The following PREPL variants were observed in gnomAD, a reference collection of about 807,000 sequenced individuals.
PREPL encodes prolyl endopeptidase like.
Under a neutral mutation model 70.6 loss-of-function variants are expected in PREPL, and 77 were observed. The observed-to-expected ratio is 1.09, with a 90% CI of 0.91 to 1.32. PREPL has a LOEUF of 1.32. PREPL is among the 40% of genes most tolerant of loss of function. The pLI is 0.00. For missense variants in PREPL, 1,002 were observed against 778.2 expected, an observed-to-expected ratio of 1.29 and a Z score of -3.42; for synonymous variants, 315 against 264.8, an observed-to-expected ratio of 1.19 and a Z score of -1.84.
intron 9 of PREPL, 97 bp from the exon 10 acceptor site, chr2:44,327,025 G>GC (rs925981804): frequency 9.9e-7 from 1 of 1,010,034 alleles, no homozygotes; most frequent in Non-Finnish European, 1.5e-6. Flanking sequence ...TTTTTGTGTG[G>GC]CCCTGGAGCT....
chr2:44,324,578 T>C (rs1302919005), intron 10 of PREPL, among the ~76,000 whole-genome samples: 2 of 152,028 alleles, frequency 1.3e-5, no homozygotes, highest in African/African-American at 4.8e-5. Flanking sequence ...GTTACAAAAT[T>C]TAATAAAACG....
chr2:44,359,865 G>C, intron 1 of PREPL: 2 of 596,588 alleles, frequency 3.4e-6, no homozygotes, highest in Non-Finnish European at 5.9e-6. Flanking sequence ...CTTAGGTTAT[G>C]AATAACTTCA....
At position 44,345,497 on chromosome 2, in the gene PREPL, G is replaced by A. The variant is rs569609543; in HGVS notation, c.75+771C>T. Among the ~76,000 whole-genome samples, 6 of 152,040 alleles carry A rather than the reference G, an allele frequency of 3.9e-5. No homozygotes were observed. The South Asian group carries it at 1.2e-3, about 32-fold the overall frequency. ...CTCCTGAGTGGCTGGGACTACAGGCGCCTGCCACCATGCCTAATTTTTGTA... is the reference window on the plus strand; with the variant it reads ...CTCCTGAGTGGCTGGGACTACAGGCACCTGCCACCATGCCTAATTTTTGTA... On this transcript the variant is annotated intron_variant, in intron 2 of 13. Transcript: ENST00000409411.
rs1198791101 is a variant in PREPL, at chr2:44,338,525, T to C, written c.714A>G (p.Thr238=). 3.1e-6 allele frequency: 5 copies of C among 1,607,234 alleles called. No homozygotes were observed. The highest frequency in any genetic ancestry group is 1.3e-5 in the African/African-American group (1 of 74,400). ...GEPTEFKLMR[T]AADTPAIMNW... The stretch of plus-strand genomic sequence containing the variant: ...TCATAATTGCAGGGGTATCAGCCGC[T>C]GTTCTCATTAGCTACGTGGAACAAA... Residue 238 remains threonine (T), a synonymous_variant, in exon 7 of 14, where the codon ACA becomes ACG. Transcript: ENST00000409411.
intron 13 of PREPL, 48 bp downstream of exon 13, chr2:44,321,779 T>C: frequency 6.2e-7 from 1 of 1,613,690 alleles, no homozygotes; most frequent in Non-Finnish European, 8.5e-7. Context: ...GAAAACAACA[T>C]GTATCTAGTT....
intron 5 of PREPL, among the ~76,000 whole-genome samples, chr2:44,340,344 GAAT>G (rs1284342769): frequency 6.6e-6 from 1 of 151,964 alleles, no homozygotes; most frequent in Non-Finnish European, 1.5e-5. Context: ...ATGACTTGAT[GAAT>G]ATAATCAAAT....
intron 12 of PREPL, 89 bp downstream of exon 12, chr2:44,322,642 G>C (rs1673088264): frequency 6.8e-7 from 1 of 1,465,708 alleles, no homozygotes; most frequent in African/African-American, 1.4e-5. Context: ...CAGATGATTT[G>C]GCTACAGCCT....
intron 1 of PREPL, among the ~76,000 whole-genome samples, chr2:44,354,315 T>C (rs1477708200): frequency 6.6e-6 from 1 of 152,238 alleles, no homozygotes; most frequent in Non-Finnish European, 1.5e-5. Flanking sequence ...GTTGCTTATC[T>C]ACAATGTGGC....
Position 44,342,486 on chromosome 2 carries a change from T to C in PREPL, c.416A>G (p.His139Arg). Reference protein sequence around the residue: ...FYTFQRNLRCHDVYRATFGDN... With the variant: ...FYTFQRNLRCRDVYRATFGDN... ...ACCAAAAGTGGCTCGATATACGTCA[T>C]GACAGCGAAGGTTCCTCTGGAAGGT... Residue 139 changes from histidine to arginine, a missense_variant, in exon 5 of 14, where the codon CAT (histidine) becomes CGT (arginine). By Grantham distance (29) the His-to-Arg change is conservative. Transcript: ENST00000409411. The C allele has an allele frequency of 1.2e-6, 2 of 1,613,152 alleles. No homozygotes were observed. Among genetic ancestry groups the C allele is most frequent in the Non-Finnish European group, 1.7e-6 (2 of 1,179,382 alleles).
chr2:44,358,820 T>G (rs917584931), intron 1 of PREPL, among the ~76,000 whole-genome samples: 8 of 152,190 alleles, frequency 5.3e-5, no homozygotes, highest in African/African-American at 1.7e-4. Context: ...ATTTTTCATT[T>G]TTTTACAGAG....
intron 4 of PREPL, among the ~76,000 whole-genome samples, chr2:44,343,075 G>GT (rs1441377834): frequency 6.6e-6 from 1 of 152,166 alleles, no homozygotes; most frequent in African/African-American, 2.4e-5. Flanking sequence ...GACAGTGATT[G>GT]TAAGTCATCA....
intron 9 of PREPL, among the ~76,000 whole-genome samples, chr2:44,328,423 C>A (rs1572855401): frequency 8.6e-5 from 2 of 23,342 alleles, no homozygotes. Flanking sequence ...GGCGACAAAG[C>A]AAAACTGTCT....
intron 8 of PREPL, among the ~76,000 whole-genome samples, chr2:44,329,918 T>C (rs535721649): frequency 6.6e-6 from 1 of 152,250 alleles, no homozygotes; most frequent in East Asian, 1.9e-4. Flanking sequence ...ACTAATGAAA[T>C]AGCACCGTTT....
At chr2:44,359,440 T>G in intron 1 of PREPL, 1 of 1,308,430 alleles carries the variant, frequency 7.6e-7, no homozygotes, top group Non-Finnish European at 1.1e-6. Flanking sequence ...ATTCTTTATT[T>G]TTAAATTAAA....
At chr2:44,350,367 A>T (rs1053032949) in intron 1 of PREPL, among the ~76,000 whole-genome samples, 4 of 152,164 alleles carry the variant, frequency 2.6e-5, no homozygotes, top group African/African-American at 9.6e-5. Flanking sequence ...TGATAAATGC[A>T]GGGAAAAAAT....
chr2:44,335,138 C>T (rs1031658865), intron 7 of PREPL, among the ~76,000 whole-genome samples: 4 of 151,970 alleles, frequency 2.6e-5, no homozygotes, highest in Non-Finnish European at 4.4e-5. Context: ...GTAATAGGTA[C>T]TATCATTTGG....
At chr2:44,357,924 C>G (rs1198046046) in intron 1 of PREPL, among the ~76,000 whole-genome samples, 1 of 151,992 alleles carries the variant, frequency 6.6e-6, no homozygotes, top group African/African-American at 2.4e-5. Context: ...AAGTACTAAA[C>G]TAAGGCAAGA....
intron 1 of PREPL, among the ~76,000 whole-genome samples, chr2:44,354,688 C>A (rs1302470672): frequency 6.6e-6 from 1 of 152,138 alleles, no homozygotes; most frequent in Non-Finnish European, 1.5e-5. Context: ...GATTCTCCTT[C>A]CTCAGCGTCC....
In PREPL at chr2:44,320,366, G is replaced by C. The variant is rs1672824066; in HGVS notation, c.*990C>G. 6.2e-7 allele frequency: 1 copy of C among 1,614,050 alleles called. No individual in the cohort carries two copies. Among genetic ancestry groups the C allele is most frequent in the African/African-American group, 1.3e-5 (1 of 75,030 alleles). ...ATGGCATCGACAGAATCTTTATCGT[G>C]GTTCTGAATTTTGGAGAATCAACAC... is the stretch of plus-strand genomic sequence containing the variant. On this transcript the variant is annotated 3_prime_UTR_variant, in exon 14 of 14. Transcript: ENST00000409411.
Sources: allele counts gnomAD v4.1 joint callset (sites outside exome capture counted in the v4.1 genomes callset), GRCh38; gene constraint gnomAD v4.1.1; transcripts MANE v1.5; gene names NCBI Gene and HGNC (gene_info 2026-07-23, HGNC 2026-07-21).